The following NAV2 variants were observed in gnomAD, a reference collection of about 807,000 sequenced individuals.
NAV2 encodes helicase, APC down-regulated 1.
Under a neutral mutation model 223.2 loss-of-function variants are expected in NAV2, and 54 were observed. That is an observed-to-expected ratio of 0.24 (90% CI 0.19 to 0.30). The LOEUF (loss-of-function observed/expected upper bound fraction) is 0.30, where lower values mean the gene tolerates loss of function less well. Ranked by LOEUF, NAV2 falls within the 10% of genes least tolerant of loss-of-function variation. The pLI is 1.00. For missense variants in NAV2, 2,806 were observed against 3,147.5 expected, an observed-to-expected ratio of 0.89 and a Z score of 2.60; for synonymous variants, 1,279 against 1,239.3, an observed-to-expected ratio of 1.03 and a Z score of -0.67.
chr11:20,082,558 C>T, intron 25 of NAV2: 1 of 1,613,518 alleles, frequency 6.2e-7, no homozygotes, highest in Non-Finnish European at 8.5e-7. Context: ...TTTTCCTCCC[C>T]CTTCCCCATT....
In NAV2 at chr11:19,933,102, C is replaced by T. The variant is rs938160867; in HGVS notation, c.932-74C>T. 1.1e-5 allele frequency: 16 copies of T among 1,460,400 alleles called. No individual in the cohort carries two copies. Among genetic ancestry groups the T allele is most frequent in the African/African-American group, 4.2e-5 (3 of 70,710 alleles). 90.5% of individuals were successfully genotyped at this position (1,460,400 alleles called of 1,614,324 possible). On this transcript the variant is annotated intron_variant, in intron 6 of 37. Transcript: ENST00000349880. This position sits in a 1 kb window ranked among gnomAD's most constrained non-coding sequence, Gnocchi z 4.3. ...GGTTGGGAGTGATTGGTTGTGTGGC[C>T]ATGGCTGACCCTCCCTGGTCTTCAG...
rs77992352 is a variant in NAV2, at chr11:19,814,947, G to A, written c.268-17537G>A. ...AGCATTATTAGGTGGCTTGGCAGGTGCTTATTTTCTAGGAAAGAGTGTGCT... is the reference window on the plus strand; with the variant it reads ...AGCATTATTAGGTGGCTTGGCAGGTACTTATTTTCTAGGAAAGAGTGTGCT... On this transcript the variant is annotated intron_variant, in intron 1 of 37. Transcript: ENST00000349880. 6.5e-3 allele frequency among the ~76,000 whole-genome samples: 985 copies of A among 150,674 alleles called. 6 individuals carry two copies. Among genetic ancestry groups the A allele is most frequent in the Middle Eastern group, 0.015 (4 of 272 alleles).
At chr11:19,767,125 A>C (rs964088492) in intron 1 of NAV2, among the ~76,000 whole-genome samples, 3 of 152,226 alleles carry the variant, frequency 2.0e-5, no homozygotes, top group African/African-American at 7.2e-5. Flanking sequence ...CAGGGAATGA[A>C]AAGATACAAG....
At position 19,746,791 on chromosome 11, in the gene NAV2, C is replaced by T. The variant is rs1051028312; in HGVS notation, c.267+32829C>T. ...AGGATGCCCCCTAAAATTGGTACTC[C>T]TGATTGCAAGGGGCTGCAAGATTCT... is the stretch of plus-strand genomic sequence containing the variant. On this transcript the variant is annotated intron_variant, in intron 1 of 37. Transcript: ENST00000349880. 1.1e-4 allele frequency among the ~76,000 whole-genome samples: 16 copies of T among 152,040 alleles called. 1 individual carries two copies. The highest frequency in any genetic ancestry group is 3.4e-3 in the Middle Eastern group (1 of 294).
At chr11:19,706,123 A>G (rs2049655155) in intron 1 of NAV2, among the ~76,000 whole-genome samples, 1 of 152,198 alleles carries the variant, frequency 6.6e-6, no homozygotes, top group Admixed American at 6.5e-5. Flanking sequence ...CACTGATATG[A>G]TTTATTTACA....
At chr11:19,605,880 T>C (rs2046464009) in intron 1 of NAV2, among the ~76,000 whole-genome samples, 1 of 152,098 alleles carries the variant, frequency 6.6e-6, no homozygotes, top group South Asian at 2.1e-4. Context: ...ATCCTATTAA[T>C]ATGCAACCAA....
intron 1 of NAV2, among the ~76,000 whole-genome samples, chr11:19,600,367 G>A (rs2046320215): frequency 6.6e-6 from 1 of 152,218 alleles, no homozygotes; most frequent in African/African-American, 2.4e-5. Context: ...TAAGCCAAGG[G>A]AACATGACAG....
At chr11:19,994,494 C>G (rs1256071862) in intron 11 of NAV2, among the ~76,000 whole-genome samples, 1 of 151,320 alleles carries the variant, frequency 6.6e-6, no homozygotes, top group Non-Finnish European at 1.5e-5. Flanking sequence ...TGCAGTGAGC[C>G]CAGATCACGC....
chr11:19,436,404 C>A (rs989058307), intron 1 of NAV2, among the ~76,000 whole-genome samples: 27 of 152,112 alleles, frequency 1.8e-4, no homozygotes, highest in African/African-American at 6.5e-4. Flanking sequence ...GAATTTATTT[C>A]TGGGCTCTGT....
At chr11:19,625,312 A>G (rs1289024352) in intron 1 of NAV2, among the ~76,000 whole-genome samples, 1 of 152,214 alleles carries the variant, frequency 6.6e-6, no homozygotes, top group Non-Finnish European at 1.5e-5. Flanking sequence ...TAGTGAGAAA[A>G]TGCAGTGTTT....
chr11:19,634,373 A>G (rs1346552407), intron 1 of NAV2, among the ~76,000 whole-genome samples: 1 of 152,206 alleles, frequency 6.6e-6, no homozygotes, highest in Non-Finnish European at 1.5e-5. Flanking sequence ...GGAATAGAAA[A>G]GATAACTACT....
chr11:19,499,627 G>A (rs2042902495), intron 1 of NAV2, among the ~76,000 whole-genome samples: 1 of 152,154 alleles, frequency 6.6e-6, no homozygotes. Context: ...ACCTTGCTCA[G>A]CCTTGGTTTC....
intron 1 of NAV2, among the ~76,000 whole-genome samples, chr11:19,797,124 G>T (rs963710115): frequency 6.6e-6 from 1 of 152,174 alleles, no homozygotes; most frequent in African/African-American, 2.4e-5. Context: ...GTAGAGGATC[G>T]AGCAGGAGAA....
chr11:19,711,762 G>A (rs983364396), upstream of NAV2: 2 of 152,176 alleles, frequency 1.3e-5, no homozygotes, highest in Non-Finnish European at 2.9e-5. Flanking sequence ...AGCTTTTATT[G>A]GTCTCTTACA....
intron 1 of NAV2, among the ~76,000 whole-genome samples, chr11:19,591,638 T>C (rs553894363): frequency 6.6e-6 from 1 of 152,284 alleles, no homozygotes; most frequent in Non-Finnish European, 1.5e-5. Context: ...TTAGTGTAAG[T>C]GTGATAGGGA....
At position 20,103,739 on chromosome 11, in the gene NAV2, C is replaced by T. The variant is rs565927810; in HGVS notation, c.6644+15C>T. 3.5e-5 allele frequency: 57 copies of T among 1,612,214 alleles called. No homozygotes were observed. In the South Asian group the frequency reaches 5.7e-4, roughly 16 times the overall value. On this transcript the variant is annotated intron_variant, in intron 34 of 37. Coordinates refer to ENST00000349880, the MANE Select transcript of NAV2 (RefSeq NM_145117.5). Reference sequence around the variant, plus strand: ...CATAACTTCAGGTCAGTTTTCCCTTCCCTTGTCCAGTTAAACAATGGAATC... The same window carrying T: ...CATAACTTCAGGTCAGTTTTCCCTTTCCTTGTCCAGTTAAACAATGGAATC...
rs377342195 is a variant in NAV2 at position 19,598,321 on chromosome 11, C to T, written c.76-234163C>T. ...GTGGCACCCACAGCGAGTAGCCATC[C>T]GTGAGCCGAGGAAACTGTACACAGG... On this transcript the variant is annotated intron_variant, in intron 1 of 37. Transcript: ENST00000360655. 6.4e-4 allele frequency among the ~76,000 whole-genome samples: 97 copies of T among 152,334 alleles called. 1 individual carries two copies. The highest frequency in any genetic ancestry group is 2.0e-3 in the African/African-American group (82 of 41,584).
At chr11:19,798,248 A>C (rs1013674263) in intron 1 of NAV2, among the ~76,000 whole-genome samples, 1 of 152,200 alleles carries the variant, frequency 6.6e-6, no homozygotes, top group Non-Finnish European at 1.5e-5. Flanking sequence ...TAATAGACAG[A>C]AGTGCACTCC....
chr11:19,855,751 C>T (rs924861417), intron 3 of NAV2, among the ~76,000 whole-genome samples: 4 of 152,182 alleles, frequency 2.6e-5, no homozygotes, highest in Admixed American at 6.5e-5. Flanking sequence ...GGAGATTGTA[C>T]AGAAGAAACC....
Sources: allele counts gnomAD v4.1 joint callset (sites outside exome capture counted in the v4.1 genomes callset), GRCh38; gene constraint gnomAD v4.1.1; non-coding constraint Gnocchi (gnomAD v3.1); transcripts MANE v1.5; gene names NCBI Gene and HGNC (gene_info 2026-07-23, HGNC 2026-07-21).